GRID1: variants seen among roughly 807,000 people sequenced by gnomAD.
The protein encoded by GRID1 is glutamate ionotropic receptor delta type subunit 1.
Under a neutral mutation model 98.0 loss-of-function variants are expected in GRID1, and 28 were observed. The ratio of observed to expected loss-of-function variants is 0.29; its 90% CI spans 0.21 to 0.39. The LOEUF is 0.39. Among genes scored for constraint, GRID1 ranks in the 10% least tolerant of loss-of-function variants. The probability of loss-of-function intolerance (pLI) is 1.00; values close to 1 mark genes in which losing one functional copy is unlikely to be tolerated. For missense variants in GRID1, 1,111 were observed against 1,340.5 expected, an observed-to-expected ratio of 0.83 and a Z score of 2.67; for synonymous variants, 553 against 538.5, an observed-to-expected ratio of 1.03 and a Z score of -0.37.
At chr10:86,037,879 A>G (rs1843290269) in intron 4 of GRID1, among the ~76,000 whole-genome samples, 2 of 152,252 alleles carry the variant, frequency 1.3e-5, no homozygotes, top group South Asian at 4.2e-4. Context: ...TGTCCCCCCA[A>G]AATTCATACG....
chr10:85,723,526 CA>C (rs1336478104), intron 11 of GRID1, among the ~76,000 whole-genome samples: 1 of 152,162 alleles, frequency 6.6e-6, no homozygotes, highest in Non-Finnish European at 1.5e-5. Context: ...TCATATATAG[CA>C]GACTCGGGAA....
At chr10:86,308,378 G>A (rs916928992) in intron 2 of GRID1, among the ~76,000 whole-genome samples, 1 of 152,218 alleles carries the variant, frequency 6.6e-6, no homozygotes, top group African/African-American at 2.4e-5. Context: ...TGGATATTTG[G>A]TTGAAACAGG....
At chr10:85,720,675 A>G (rs1183525988) in intron 12 of GRID1, among the ~76,000 whole-genome samples, 1 of 151,688 alleles carries the variant, frequency 6.6e-6, no homozygotes, top group Non-Finnish European at 1.5e-5. Context: ...AAAGAAGAGA[A>G]AAAAAAACCC....
intron 2 of GRID1, among the ~76,000 whole-genome samples, chr10:86,356,180 A>G (rs1848531279): frequency 6.6e-6 from 1 of 152,200 alleles, no homozygotes; most frequent in Non-Finnish European, 1.5e-5. Flanking sequence ...TTCCCAGCAC[A>G]TGGAAGGGCT....
chr10:85,886,673 G>C (rs1373162342), intron 5 of GRID1, among the ~76,000 whole-genome samples: 1 of 152,152 alleles, frequency 6.6e-6, no homozygotes. Flanking sequence ...GCCAGGTTGA[G>C]GGACAAAGAG....
At chr10:86,034,736 C>T (rs1326808233) in intron 4 of GRID1, among the ~76,000 whole-genome samples, 8 of 151,892 alleles carry the variant, frequency 5.3e-5, no homozygotes, top group South Asian at 2.1e-4. Flanking sequence ...GCCTCATTGG[C>T]GTGTGAGAGT....
chr10:86,145,232 A>AT (rs1223154020), intron 3 of GRID1, among the ~76,000 whole-genome samples: 13 of 151,980 alleles, frequency 8.6e-5, no homozygotes, highest in Admixed American at 8.5e-4. Context: ...TCCTAACAGC[A>AT]TTTTTTTGAG....
At chr10:85,855,295 G>A (rs1843098874) in intron 7 of GRID1, among the ~76,000 whole-genome samples, 1 of 152,234 alleles carries the variant, frequency 6.6e-6, no homozygotes, top group African/African-American at 2.4e-5. Flanking sequence ...GGAGAAGGAG[G>A]CAGCAGGAGG....
At chr10:86,031,403 T>C (rs552103895) in intron 4 of GRID1, among the ~76,000 whole-genome samples, 1 of 152,130 alleles carries the variant, frequency 6.6e-6, no homozygotes, top group Non-Finnish European at 1.5e-5. Flanking sequence ...CACTGTGGAC[T>C]TCAAAAGGGG....
In GRID1 at chr10:86,332,340, C is replaced by T. The variant is rs758319928; in HGVS notation, c.235+31601G>A. 2.1e-4 allele frequency among the ~76,000 whole-genome samples: 32 copies of T among 152,104 alleles called. 1 individual carries two copies. Among genetic ancestry groups the T allele is most frequent in the South Asian group, 4.1e-4 (2 of 4,832 alleles). ...TGCATTCCTGAAGGAGAATTCTAGA[C>T]GGACCCCCTAGGATTCAGCGGCATG... is the stretch of plus-strand genomic sequence containing the variant. On this transcript the variant is annotated intron_variant, in intron 2 of 15. Coordinates refer to ENST00000327946, the MANE Select transcript of GRID1 (RefSeq NM_017551.3).
At chr10:85,827,983 A>C (rs1050753731) in intron 8 of GRID1, among the ~76,000 whole-genome samples, 4 of 152,186 alleles carry the variant, frequency 2.6e-5, no homozygotes, top group Non-Finnish European at 5.9e-5. Context: ...AAGAATATAC[A>C]TACTTCTCAT....
At chr10:85,738,937 A>G (rs1841913141) in intron 8 of GRID1, among the ~76,000 whole-genome samples, 1 of 152,178 alleles carries the variant, frequency 6.6e-6, no homozygotes, top group Admixed American at 6.5e-5. Flanking sequence ...TTACATTACC[A>G]TATACATTTG....
intron 12 of GRID1, among the ~76,000 whole-genome samples, chr10:85,715,404 A>G (rs1292048933): frequency 6.6e-6 from 1 of 152,182 alleles, no homozygotes; most frequent in Admixed American, 6.5e-5. Context: ...AAAATCCTAC[A>G]CATAGCAAAG....
chr10:85,870,051 G>A (rs187487027), intron 5 of GRID1, among the ~76,000 whole-genome samples: 1 of 152,306 alleles, frequency 6.6e-6, no homozygotes, highest in East Asian at 1.9e-4. Flanking sequence ...AGGATGCAAA[G>A]TATTGTTCCT....
chr10:85,844,771 G>C (rs564489187), intron 8 of GRID1, among the ~76,000 whole-genome samples: 1 of 152,078 alleles, frequency 6.6e-6, no homozygotes, highest in East Asian at 1.9e-4. Flanking sequence ...GTGCAATAAA[G>C]AGAAATGAGC....
intron 8 of GRID1, among the ~76,000 whole-genome samples, chr10:85,747,587 A>G (rs987012029): frequency 1.3e-5 from 2 of 152,112 alleles, no homozygotes; most frequent in African/African-American, 4.8e-5. Context: ...CAGAAGGAAA[A>G]TGACTCTCAT....
At chr10:86,270,696 T>A (rs1020331169) in intron 2 of GRID1, among the ~76,000 whole-genome samples, 4 of 151,478 alleles carry the variant, frequency 2.6e-5, no homozygotes, top group Non-Finnish European at 4.4e-5. Flanking sequence ...TCTCAAAAAA[T>A]AATAATAATA....
intron 3 of GRID1, among the ~76,000 whole-genome samples, chr10:86,170,187 G>A (rs995344772): frequency 2.6e-5 from 4 of 152,190 alleles, no homozygotes; most frequent in Non-Finnish European, 5.9e-5. Flanking sequence ...AGTGGCTCTG[G>A]CCCAGCCCAC....
At chr10:85,932,788 T>C (rs897227012) in intron 4 of GRID1, among the ~76,000 whole-genome samples, 3 of 152,164 alleles carry the variant, frequency 2.0e-5, no homozygotes, top group Non-Finnish European at 4.4e-5. Context: ...CACTGACTGA[T>C]GCAAGGTGGC....
Sources: allele counts gnomAD v4.1 joint callset (sites outside exome capture counted in the v4.1 genomes callset), GRCh38; gene constraint gnomAD v4.1.1; transcripts MANE v1.5; gene names NCBI Gene and HGNC (gene_info 2026-07-23, HGNC 2026-07-21).